NEGR1: variants seen among roughly 807,000 people sequenced by gnomAD.
NEGR1 encodes neuronal growth regulator 1.
In NEGR1, 10 loss-of-function variants were observed where a neutral mutation model predicts 40.9. The observed-to-expected ratio is 0.24, with a 90% CI of 0.15 to 0.42. The LOEUF (loss-of-function observed/expected upper bound fraction) is 0.42. Ranked by LOEUF, NEGR1 falls within the 10% of genes least tolerant of loss-of-function variation. The pLI, the probability that NEGR1 is intolerant of heterozygous loss-of-function variation, is 1.00. For missense variants in NEGR1, 352 were observed against 438.9 expected (o/e 0.80, Z 1.77); for synonymous variants, 185 against 166.8 (o/e 1.11, Z -0.84).
At chr1:72,216,859 A>T (rs1653839744) in intron 1 of NEGR1, among the ~76,000 whole-genome samples, 1 of 151,626 alleles carries the variant, frequency 6.6e-6, no homozygotes, top group Admixed American at 6.6e-5. Flanking sequence ...TATATACCTT[A>T]AACTGATTTA....
chr1:72,216,396 T>TACACAC (rs1410956107), intron 1 of NEGR1, among the ~76,000 whole-genome samples: 1 of 139,406 alleles, frequency 7.2e-6, no homozygotes, highest in African/African-American at 2.9e-5. Context: ...TATATATATA[T>TACACAC]ATATACATAT....
At chr1:71,990,903 CATATAT>C (rs751558775) in intron 1 of NEGR1, among the ~76,000 whole-genome samples, 6 of 123,192 alleles carry the variant, frequency 4.9e-5, no homozygotes, top group Non-Finnish European at 1.1e-4. Context: ...TAGGCATATA[CATATAT>C]ATATATATAT....
At chr1:72,014,444 GCTTT>G (rs1008072753) in intron 1 of NEGR1, among the ~76,000 whole-genome samples, 4 of 151,836 alleles carry the variant, frequency 2.6e-5, no homozygotes, top group African/African-American at 9.7e-5. Context: ...CTTGAAAAAT[GCTTT>G]CTTAGATACT....
chr1:72,145,427 A>G (rs536209244), intron 1 of NEGR1, among the ~76,000 whole-genome samples: 27 of 152,310 alleles, frequency 1.8e-4, no homozygotes, highest in African/African-American at 6.0e-4. Flanking sequence ...CACTAAATGT[A>G]ATAGCAGAAA....
At chr1:71,741,843 G>A (rs543949353) in intron 3 of NEGR1, among the ~76,000 whole-genome samples, 19 of 152,216 alleles carry the variant, frequency 1.2e-4, no homozygotes, top group Admixed American at 8.5e-4. Context: ...TGGCTAGAGC[G>A]GGAGCAAGAG....
chr1:71,640,319 C>T (rs998998997), intron 4 of NEGR1, among the ~76,000 whole-genome samples: 3 of 151,952 alleles, frequency 2.0e-5, no homozygotes, highest in Non-Finnish European at 2.9e-5. Flanking sequence ...GGGACACAGA[C>T]CTCTAACCTG....
chr1:72,166,130 C>CT (rs909688497), intron 1 of NEGR1, among the ~76,000 whole-genome samples: 168 of 151,928 alleles, frequency 1.1e-3, no homozygotes, highest in Admixed American at 2.2e-3. Context: ...AAATATATAC[C>CT]TTTTTTCCCA....
At chr1:72,189,817 T>C (rs1268766979) in intron 1 of NEGR1, among the ~76,000 whole-genome samples, 1 of 151,602 alleles carries the variant, frequency 6.6e-6, no homozygotes, top group East Asian at 1.9e-4. Context: ...GATACAAGAT[T>C]GTTATCTTCA....
intron 6 of NEGR1, among the ~76,000 whole-genome samples, chr1:71,492,586 T>G (rs780754704): frequency 3.9e-5 from 6 of 152,062 alleles, no homozygotes; most frequent in Non-Finnish European, 7.4e-5. Flanking sequence ...CTTCTTGTTA[T>G]TTTTTTCTCA....
chr1:71,860,439 T>C (rs1484048953), intron 2 of NEGR1, among the ~76,000 whole-genome samples: 1 of 150,222 alleles, frequency 6.7e-6, no homozygotes, highest in Non-Finnish European at 1.5e-5. Context: ...CCAAATACAG[T>C]GGGAGGTCAT....
chr1:72,211,783 A>T (rs1371683228), intron 1 of NEGR1, among the ~76,000 whole-genome samples: 1 of 151,790 alleles, frequency 6.6e-6, no homozygotes, highest in African/African-American at 2.4e-5. Flanking sequence ...TTAAGAATGT[A>T]AAGGTGAAGA....
At chr1:71,931,409 T>C (rs984005002) in intron 2 of NEGR1, among the ~76,000 whole-genome samples, 1 of 152,172 alleles carries the variant, frequency 6.6e-6, no homozygotes, top group East Asian at 1.9e-4. Context: ...TATGTTGTTA[T>C]AACAGAATTT....
chr1:71,522,964 C>T (rs1161789592), intron 6 of NEGR1, among the ~76,000 whole-genome samples: 1 of 151,880 alleles, frequency 6.6e-6, no homozygotes. Context: ...CTTATGCCCA[C>T]GAGCCAGCCA....
chr1:71,545,900 T>G (rs1319111698), intron 6 of NEGR1, among the ~76,000 whole-genome samples: 1 of 151,684 alleles, frequency 6.6e-6, no homozygotes, highest in African/African-American at 2.4e-5. Flanking sequence ...ATTTGCTACT[T>G]TCCTCTCTGT....
intron 1 of NEGR1, among the ~76,000 whole-genome samples, chr1:71,944,286 G>A (rs1645998274): frequency 6.6e-6 from 1 of 152,282 alleles, no homozygotes; most frequent in Middle Eastern, 3.4e-3. Context: ...CATGCAGGAG[G>A]TGTTTAAAAT....
At chr1:72,257,124 C>T (rs1655296977) in intron 1 of NEGR1, among the ~76,000 whole-genome samples, 1 of 151,878 alleles carries the variant, frequency 6.6e-6, no homozygotes, top group Non-Finnish European at 1.5e-5. Flanking sequence ...AGATTGAGAC[C>T]ATCCCGGCTA....
chr1:71,954,409 T>C (rs1262410282), intron 1 of NEGR1, among the ~76,000 whole-genome samples: 2 of 151,888 alleles, frequency 1.3e-5, no homozygotes, highest in Non-Finnish European at 2.9e-5. Flanking sequence ...AAAAAAAGTT[T>C]AGGAGAAAGG....
intron 2 of NEGR1, among the ~76,000 whole-genome samples, chr1:71,877,371 G>T (rs186956978): frequency 6.6e-6 from 1 of 152,188 alleles, no homozygotes. Flanking sequence ...AGTTCTGAAG[G>T]GTGGAAGTCT....
intron 3 of NEGR1, among the ~76,000 whole-genome samples, chr1:71,765,746 A>C (rs995048933): frequency 6.6e-6 from 1 of 152,152 alleles, no homozygotes; most frequent in Non-Finnish European, 1.5e-5. Context: ...AAAGGTTTTC[A>C]TCTTTTGGGT....
Sources: allele counts gnomAD v4.1 joint callset (sites outside exome capture counted in the v4.1 genomes callset), GRCh38; gene constraint gnomAD v4.1.1; transcripts MANE v1.5; gene names NCBI Gene and HGNC (gene_info 2026-07-23, HGNC 2026-07-21).